TSHZ3: variants seen among roughly 807,000 people sequenced by gnomAD.
The protein encoded by TSHZ3 is teashirt zinc finger homeobox 3, also known as teashirt homolog 3.
Under a neutral mutation model 64.5 loss-of-function variants are expected in TSHZ3, and 10 were observed. The observed-to-expected ratio is 0.16, with a 90% CI of 0.10 to 0.26. The LOEUF (loss-of-function observed/expected upper bound fraction) is 0.26. Among genes scored for constraint, TSHZ3 ranks in the 10% least tolerant of loss-of-function variants. The pLI is 1.00. For synonymous variants in TSHZ3, 608 were observed against 593.1 expected (o/e 1.03, Z -0.36); for missense variants, 1,242 against 1,421.7 (o/e 0.87, Z 2.03).
chr19:31,201,965 G>C (rs968127603), intron 5 of TSHZ3, among the ~76,000 whole-genome samples: 1 of 152,138 alleles, frequency 6.6e-6, no homozygotes, highest in African/African-American at 2.4e-5. Context: ...ATGGGAGTTT[G>C]AGACCAGCCT....
chr19:31,181,827 A>C (rs1974721852), intron 5 of TSHZ3, among the ~76,000 whole-genome samples: 1 of 152,174 alleles, frequency 6.6e-6, no homozygotes, highest in Non-Finnish European at 1.5e-5. Context: ...TCATCAAATG[A>C]AAAATTGCCA....
At chr19:31,213,960 T>G (rs1349158815) in intron 4 of TSHZ3, among the ~76,000 whole-genome samples, 1 of 152,238 alleles carries the variant, frequency 6.6e-6, no homozygotes, top group Non-Finnish European at 1.5e-5. Flanking sequence ...TTTTTTATTT[T>G]ATTCTTATTT....
chr19:31,333,512 C>T (rs1917157890), intron 1 of TSHZ3, among the ~76,000 whole-genome samples: 1 of 152,138 alleles, frequency 6.6e-6, no homozygotes, highest in Non-Finnish European at 1.5e-5. Context: ...ACCAGCAAAT[C>T]CTCAGCCAAC....
At chr19:31,272,117 A>C (rs1028767518), downstream of TSHZ3, among the ~76,000 whole-genome samples, 3 of 152,206 alleles carry the variant, frequency 2.0e-5, no homozygotes, top group Non-Finnish European at 4.4e-5. Flanking sequence ...TAAAGATGAT[A>C]GTTTTCATCC....
intron 5 of TSHZ3, among the ~76,000 whole-genome samples, chr19:31,203,578 T>A (rs1201417895): frequency 6.6e-6 from 1 of 151,918 alleles, no homozygotes; most frequent in Non-Finnish European, 1.5e-5. Flanking sequence ...TGAGAATGGG[T>A]CCTTAAACAT....
At chr19:31,298,089 G>C (rs796436177) in intron 1 of TSHZ3, among the ~76,000 whole-genome samples, 2 of 152,094 alleles carry the variant, frequency 1.3e-5, no homozygotes, top group South Asian at 4.1e-4. Context: ...AGGTGCTCAC[G>C]GACCTGTGAG....
At chr19:31,218,876 G>A (rs1435627371) in intron 4 of TSHZ3, among the ~76,000 whole-genome samples, 1 of 152,146 alleles carries the variant, frequency 6.6e-6, no homozygotes, top group African/African-American at 2.4e-5. Flanking sequence ...AAAGTGTCAT[G>A]GCCCATTGGG....
chr19:31,291,992 A>G (rs1976574543), intron 1 of TSHZ3, among the ~76,000 whole-genome samples: 1 of 152,208 alleles, frequency 6.6e-6, no homozygotes, highest in Admixed American at 6.5e-5. Flanking sequence ...AAAGGAAGTA[A>G]GCTGCCTGTG....
intron 1 of TSHZ3, among the ~76,000 whole-genome samples, chr19:31,309,452 G>T (rs375665211): frequency 6.6e-6 from 1 of 151,998 alleles, no homozygotes; most frequent in Non-Finnish European, 1.5e-5. Flanking sequence ...GTCAATCCCC[G>T]CATGGAATGG....
chr19:31,176,244 C>T (rs367958133), intron 5 of TSHZ3, among the ~76,000 whole-genome samples: 3 of 152,088 alleles, frequency 2.0e-5, no homozygotes, highest in Admixed American at 6.5e-5. Context: ...TAGATCCATC[C>T]GGACCAAAGG....
At chr19:31,339,771 C>A (rs1276850661) in intron 1 of TSHZ3, among the ~76,000 whole-genome samples, 1 of 150,408 alleles carries the variant, frequency 6.6e-6, no homozygotes, top group Non-Finnish European at 1.5e-5. Flanking sequence ...CTCCATCCTC[C>A]CACTGCCCTT....
At chr19:31,207,159 C>T (rs896272602) in intron 4 of TSHZ3, among the ~76,000 whole-genome samples, 3 of 152,106 alleles carry the variant, frequency 2.0e-5, no homozygotes, top group African/African-American at 7.2e-5. Flanking sequence ...CATGAAATAC[C>T]TTTTAATGAA....
chr19:31,285,412 T>C (rs1207194255), intron 1 of TSHZ3, among the ~76,000 whole-genome samples: 1 of 148,600 alleles, frequency 6.7e-6, no homozygotes, highest in African/African-American at 2.5e-5. Flanking sequence ...CCCAGGAGAT[T>C]GAGGCTGCAG....
intron 4 of TSHZ3, among the ~76,000 whole-genome samples, chr19:31,220,680 T>C (rs1975384902): frequency 6.6e-6 from 1 of 152,152 alleles, no homozygotes; most frequent in South Asian, 2.1e-4. Flanking sequence ...GGAAGGATGA[T>C]CACAGGGTAG....
intron 4 of TSHZ3, among the ~76,000 whole-genome samples, chr19:31,227,734 C>T (rs1568353844): frequency 1.3e-5 from 2 of 152,124 alleles, no homozygotes; most frequent in African/African-American, 4.8e-5. Context: ...AATGACAAGA[C>T]ATCCAGGATC....
chr19:31,273,582 C>T (rs1170273180), downstream of TSHZ3, among the ~76,000 whole-genome samples: 1 of 152,222 alleles, frequency 6.6e-6, no homozygotes, highest in East Asian at 1.9e-4. Flanking sequence ...AGATGCAGGA[C>T]TTTGGATTCT....
chr19:31,190,166 A>T (rs919013375), intron 5 of TSHZ3, among the ~76,000 whole-genome samples: 3 of 152,204 alleles, frequency 2.0e-5, no homozygotes, highest in African/African-American at 7.2e-5. Flanking sequence ...AAATGGCTGG[A>T]ACTTAAAAGA....
chr19:31,273,103 C>T (rs1002995789), downstream of TSHZ3, among the ~76,000 whole-genome samples: 1 of 152,132 alleles, frequency 6.6e-6, no homozygotes, highest in Non-Finnish European at 1.5e-5. Flanking sequence ...CAATCTTTAG[C>T]CAGGCAAAGG....
chr19:31,173,444 C>T (rs1714437120), intron 5 of TSHZ3, among the ~76,000 whole-genome samples: 1 of 152,206 alleles, frequency 6.6e-6, no homozygotes, highest in Admixed American at 6.5e-5. Context: ...GACTATACTG[C>T]ACATTTAAAA....
Sources: allele counts gnomAD v4.1 joint callset (sites outside exome capture counted in the v4.1 genomes callset), GRCh38; gene constraint gnomAD v4.1.1; transcripts MANE v1.5; gene names NCBI Gene and HGNC (gene_info 2026-07-23, HGNC 2026-07-21).